Variants in PTPRD observed in about 807,000 individuals in gnomAD.
The protein encoded by PTPRD is receptor-type tyrosine-protein phosphatase delta.
In PTPRD, 34 loss-of-function variants were observed where a neutral mutation model predicts 214.5. That is an observed-to-expected ratio of 0.16 (90% CI 0.12 to 0.21). The LOEUF is 0.21. Among genes scored for constraint, PTPRD ranks in the 10% least tolerant of loss-of-function variants. The pLI, the probability that PTPRD is intolerant of heterozygous loss-of-function variation, is 1.00. For synonymous variants in PTPRD, 1,128 were observed against 845.7 expected (o/e 1.33, Z -5.79); for missense variants, 2,545 against 2,398.7 (o/e 1.06, Z -1.27).
intron 4 of PTPRD, among the ~76,000 whole-genome samples, chr9:9,952,658 G>A (rs1272911749): frequency 6.6e-6 from 1 of 152,032 alleles, no homozygotes; most frequent in African/African-American, 2.4e-5. Context: ...CTTCCCTAAA[G>A]AGTCCTTGCA....
chr9:10,321,503 T>C (rs2096551761), intron 3 of PTPRD, among the ~76,000 whole-genome samples: 1 of 152,088 alleles, frequency 6.6e-6, no homozygotes, highest in South Asian at 2.1e-4. Context: ...AAGATTAGGT[T>C]GGAAAAATAA....
At chr9:9,130,797 A>G (rs1052658320) in intron 10 of PTPRD, among the ~76,000 whole-genome samples, 1 of 152,114 alleles carries the variant, frequency 6.6e-6, no homozygotes, top group Non-Finnish European at 1.5e-5. Flanking sequence ...TGGGGTAGTC[A>G]TTTCACCTAG....
At chr9:8,925,603 G>A (rs574479991) in intron 11 of PTPRD, among the ~76,000 whole-genome samples, 2 of 130,610 alleles carry the variant, frequency 1.5e-5, no homozygotes, top group South Asian at 2.7e-4. Context: ...CATCTGATGA[G>A]GATGGTTACC....
chr9:10,033,765 A>G lies in PTPRD; in HGVS notation c.-519T>C, dbSNP rs1444711132. Reference sequence around the variant, plus strand: ...AGATGATTTTATAGCTGGAGGATGAAAAGTATCAGACTCCTCAAGATTTCC... The same window carrying G: ...AGATGATTTTATAGCTGGAGGATGAGAAGTATCAGACTCCTCAAGATTTCC... On this transcript the variant is annotated 5_prime_UTR_variant, in exon 4 of 46. Transcript: ENST00000381196. 6.6e-6 allele frequency: 1 copy of G among 152,102 alleles called. No individual in the cohort carries two copies. The highest frequency in any genetic ancestry group is 1.5e-5 in the Non-Finnish European group (1 of 67,986). 9.4% of individuals were successfully genotyped at this position (152,102 alleles called of 1,614,324 possible).
At chr9:9,017,111 T>C (rs1299221679) in intron 11 of PTPRD, among the ~76,000 whole-genome samples, 1 of 152,038 alleles carries the variant, frequency 6.6e-6, no homozygotes, top group Non-Finnish European at 1.5e-5. Flanking sequence ...AGTAAGATTA[T>C]CATCGCAACA....
chr9:8,983,695 T>G (rs560856789), intron 11 of PTPRD, among the ~76,000 whole-genome samples: 1 of 151,896 alleles, frequency 6.6e-6, no homozygotes, highest in East Asian at 2.0e-4. Flanking sequence ...CTTTTTTACT[T>G]TTTGTAGAGA....
intron 39 of PTPRD, among the ~76,000 whole-genome samples, chr9:8,366,687 C>T (rs567268173): frequency 6.6e-5 from 10 of 151,940 alleles, no homozygotes; most frequent in African/African-American, 2.2e-4. Flanking sequence ...TTATCTTTGG[C>T]CTCCATTAAA....
At chr9:9,684,711 ATG>A (rs368754596) in intron 7 of PTPRD, among the ~76,000 whole-genome samples, 3 of 148,294 alleles carry the variant, frequency 2.0e-5, no homozygotes, top group East Asian at 2.0e-4. Context: ...GTGTGTGTGT[ATG>A]TGTGTGTGTG....
At chr9:10,026,132 C>T (rs1352132581) in intron 4 of PTPRD, among the ~76,000 whole-genome samples, 5 of 152,190 alleles carry the variant, frequency 3.3e-5, no homozygotes, top group South Asian at 2.1e-4. Flanking sequence ...CTTTAAATAA[C>T]GACCAGTCCA....
chr9:10,538,742 G>GAC (rs1272309396), intron 2 of PTPRD, among the ~76,000 whole-genome samples: 1 of 152,006 alleles, frequency 6.6e-6, no homozygotes, highest in Non-Finnish European at 1.5e-5. Flanking sequence ...AAGGACTTGA[G>GAC]ACATTATCTT....
chr9:9,877,658 T>A (rs1037129282), intron 5 of PTPRD, among the ~76,000 whole-genome samples: 2 of 151,654 alleles, frequency 1.3e-5, no homozygotes, highest in African/African-American at 4.8e-5. Flanking sequence ...GAAAACAGGT[T>A]TTGATTAAGT....
intron 12 of PTPRD, among the ~76,000 whole-genome samples, chr9:8,672,969 TATGG>T (rs1351771259): frequency 6.6e-6 from 1 of 152,108 alleles, no homozygotes; most frequent in Non-Finnish European, 1.5e-5. Context: ...GGAAAATTTA[TATGG>T]AAAAGAATCA....
At chr9:8,494,705 T>A (rs994023984) in intron 26 of PTPRD, among the ~76,000 whole-genome samples, 4 of 152,236 alleles carry the variant, frequency 2.6e-5, no homozygotes, top group African/African-American at 9.6e-5. Flanking sequence ...ATATCCATTA[T>A]CTTGCCCAGG....
At chr9:8,321,449 T>C (rs1016229693) in intron 44 of PTPRD, among the ~76,000 whole-genome samples, 2 of 140,406 alleles carry the variant, frequency 1.4e-5, no homozygotes, top group East Asian at 2.1e-4. Context: ...AGGAAATATA[T>C]AGAAGTCTTC....
At chr9:10,292,773 T>G (rs76523572) in intron 3 of PTPRD, among the ~76,000 whole-genome samples, 354 of 150,496 alleles carry the variant, frequency 2.4e-3, no homozygotes, top group Non-Finnish European at 4.2e-3. Flanking sequence ...GATTTTTCTG[T>G]TTTTTTTTCC....
intron 3 of PTPRD, among the ~76,000 whole-genome samples, chr9:10,229,492 C>T (rs1444630999): frequency 3.9e-5 from 6 of 152,028 alleles, no homozygotes; most frequent in African/African-American, 1.4e-4. Context: ...GAAAATGTGG[C>T]ACATAAACAC....
At chr9:8,396,740 C>T (rs999325356) in intron 36 of PTPRD, among the ~76,000 whole-genome samples, 2 of 152,098 alleles carry the variant, frequency 1.3e-5, no homozygotes, top group East Asian at 1.9e-4. Context: ...TATAACAGCA[C>T]TTGCTTGGCT....
intron 2 of PTPRD, among the ~76,000 whole-genome samples, chr9:10,556,563 C>T (rs2062654182): frequency 6.6e-6 from 1 of 151,974 alleles, no homozygotes. Context: ...TTTAAAAGTC[C>T]TTAATAATTG....
chr9:10,504,182 C>G (rs2045081106), intron 2 of PTPRD, among the ~76,000 whole-genome samples: 1 of 136,500 alleles, frequency 7.3e-6, no homozygotes, highest in Non-Finnish European at 1.6e-5. Flanking sequence ...ATTCTTGAGT[C>G]TAAAGCCAAA....
Sources: gnomAD v4.1 joint callset for allele counts (sites outside exome capture counted in the v4.1 genomes callset) on GRCh38, gnomAD v4.1.1 for gene constraint, MANE v1.5 for transcripts, NCBI Gene and HGNC (gene_info 2026-07-23, HGNC 2026-07-21) for gene names.